Variants in PTPN6 observed in about 807,000 individuals in gnomAD.
PTPN6 encodes the protein protein tyrosine phosphatase non-receptor type 6.
In PTPN6, 18 loss-of-function variants were observed where a neutral mutation model predicts 81.5. The ratio of observed to expected loss-of-function variants is 0.22; its 90% CI spans 0.15 to 0.33. The LOEUF is 0.33. PTPN6 is among the 10% of genes least tolerant of loss of function. The pLI is 1.00. For synonymous variants in PTPN6, 301 were observed against 310.9 expected, an observed-to-expected ratio of 0.97 and a Z score of 0.33; for missense variants, 500 against 794.2, an observed-to-expected ratio of 0.63 and a Z score of 4.45.
chr12:6,956,777 C>G lies in PTPN6; in HGVS notation c.1074+209C>G, dbSNP rs1173174338. Among the ~76,000 whole-genome samples, 2 of 152,210 alleles carry G rather than the reference C, an allele frequency of 1.3e-5. No individual in the cohort carries two copies. The highest frequency in any genetic ancestry group is 2.4e-5 in the African/African-American group (1 of 41,512). On this transcript the variant is annotated intron_variant, in intron 9 of 15. Coordinates refer to ENST00000318974, the MANE Select transcript of PTPN6 (RefSeq NM_002831.6). This position sits in a 1 kb window ranked among gnomAD's most constrained non-coding sequence, Gnocchi z 4.1. ...CCCTGGGCTCTTCTGAGCTCCAGAC[C>G]CAGGTTCCAGGCTGTCCTCCTTCCT...
In PTPN6 at chr12:6,951,784, C is replaced by G. The variant is rs1945930391; in HGVS notation, c.131+53C>G. 4 of 1,604,282 alleles carry G rather than the reference C, an allele frequency of 2.5e-6. No individual in the cohort carries two copies. The highest frequency in any genetic ancestry group is 3.4e-6 in the Non-Finnish European group (4 of 1,179,810). The stretch of plus-strand genomic sequence containing the variant: ...ATTTTGGCCACTCTCTTGTGCCATC[C>G]AGGCCCTGAACCACTCATTCCTGGT... On this transcript the variant is annotated intron_variant, in intron 2 of 15. Coordinates refer to ENST00000318974, the MANE Select transcript of PTPN6 (RefSeq NM_002831.6). The surrounding 1 kb of genome is among the most constrained non-coding windows in gnomAD (Gnocchi z 7.2).
At position 6,960,259 on chromosome 12, in the gene PTPN6, T is replaced by TGGGCGGG. The variant is rs782034662; in HGVS notation, c.1581+23_1581+24insCGGGGGG. 7.0e-6 allele frequency: 8 copies of TGGGCGGG among 1,147,826 alleles called. No homozygotes were observed. In the African/African-American group the frequency reaches 1.5e-4, roughly 22 times the overall value. The allele number at this position is 1,147,826 out of a possible 1,614,324, so 71.1% of individuals were successfully genotyped here. A position where few individuals can be genotyped will look rare whatever the true frequency, so the allele number is the denominator to read the frequency against. On this transcript the variant is annotated intron_variant, in intron 13 of 15. Coordinates refer to ENST00000318974, the MANE Select transcript of PTPN6 (RefSeq NM_002831.6). The surrounding 1 kb of genome is among the most constrained non-coding windows in gnomAD (Gnocchi z 6.1). The stretch of plus-strand genomic sequence containing the variant: ...CTGCAGGTGCGTGCAGAGCAGGGCC[T>TGGGCGGG]GGGGGGGGGGGGGGCTGCAGTGCAG...
At position 6,958,032 on chromosome 12, in the gene PTPN6, G is replaced by A. The variant is rs1946063005; in HGVS notation, c.1320G>A (p.Gln440=). 1 of 1,613,188 alleles carries A rather than the reference G, an allele frequency of 6.2e-7. No homozygotes were observed. Among genetic ancestry groups the A allele is most frequent in the African/African-American group, 1.3e-5 (1 of 74,956 alleles). Residue 440 remains glutamine (Q), a synonymous_variant, in exon 11 of 16, where the codon CAG becomes CAA. Coordinates refer to ENST00000318974, the MANE Select transcript of PTPN6 (RefSeq NM_002831.6). ...LSFLDQINQR[Q]ESLPHAGPII... is the part of the protein sequence containing the mutation. ...TCCTGGACCAGATCAACCAGCGGCA[G>A]GAAAGTCTGCCTCACGCAGGGCCCA...
At position 6,957,841 on chromosome 12, in the gene PTPN6, C is replaced by G; in HGVS notation, c.1206+56C>G. On this transcript the variant is annotated intron_variant, in intron 10 of 15. Coordinates refer to ENST00000318974, the MANE Select transcript of PTPN6 (RefSeq NM_002831.6). The surrounding 1 kb of genome is among the most constrained non-coding windows in gnomAD (Gnocchi z 6.5). ...GGGAGTCCCTCCCTGGACTTGTTCTCCTCTCTGGTCGGGTAGGGTGAGATG... is the reference window on the plus strand; with the variant it reads ...GGGAGTCCCTCCCTGGACTTGTTCTGCTCTCTGGTCGGGTAGGGTGAGATG... The G allele has an allele frequency of 6.2e-7, 1 of 1,614,036 alleles. No individual in the cohort carries two copies. Among genetic ancestry groups the G allele is most frequent in the Non-Finnish European group, 8.5e-7 (1 of 1,179,986 alleles).
chr12:6,947,269 C>T (rs1565577545), upstream of PTPN6, among the ~76,000 whole-genome samples: 1 of 152,244 alleles, frequency 6.6e-6, no homozygotes, highest in African/African-American at 2.4e-5. Context: ...ACAAGACAGA[C>T]ATGGTCTCTG....
chr12:6,960,656 C>T lies in PTPN6; in HGVS notation c.1674-150C>T. ...CTCGTGTATGAGATGTAGCCTCTGT[C>T]CTCTAGGAGCTTGGAGTCTAGTGCA... On this transcript the variant is annotated intron_variant, in intron 14 of 15. Coordinates refer to ENST00000318974, the MANE Select transcript of PTPN6 (RefSeq NM_002831.6). The surrounding 1 kb of genome is among the most constrained non-coding windows in gnomAD (Gnocchi z 6.1). 2 of 1,549,396 alleles carry T rather than the reference C, an allele frequency of 1.3e-6. No homozygotes were observed. The highest frequency in any genetic ancestry group is 8.7e-7 in the Non-Finnish European group (1 of 1,145,184).
In PTPN6 at chr12:6,952,284, C is replaced by T. The variant is rs2138261089; in HGVS notation, c.326+107C>T. The T allele has an allele frequency of 3.0e-6, 4 of 1,318,550 alleles. No homozygotes were observed. The highest frequency in any genetic ancestry group is 1.2e-5 in the South Asian group (1 of 83,600). 81.7% of individuals were successfully genotyped at this position (1,318,550 alleles called of 1,614,324 possible). On this transcript the variant is annotated intron_variant, in intron 3 of 15. Coordinates refer to ENST00000318974, the MANE Select transcript of PTPN6 (RefSeq NM_002831.6). The surrounding 1 kb of genome is among the most constrained non-coding windows in gnomAD (Gnocchi z 8.1). ...GCAGCCGGCGCTGCCTACCCTCCATCCCCTCCCCTCCCTGCACCAGCTGGG... is the reference window on the plus strand; with the variant it reads ...GCAGCCGGCGCTGCCTACCCTCCATTCCCTCCCCTCCCTGCACCAGCTGGG...
rs782028208 is a variant in PTPN6, at chr12:6,960,885, AAGG to A, written c.1756_1758del (p.Glu586del). On this transcript the variant is annotated inframe_deletion, in exon 15 of 16. Coordinates refer to ENST00000318974, the MANE Select transcript of PTPN6 (RefSeq NM_002831.6). This position sits in a 1 kb window ranked among gnomAD's most constrained non-coding sequence, Gnocchi z 6.1. The stretch of plus-strand genomic sequence containing the variant: ...AGTGAAGAAGCAGCGGTCAGCAGAC[AAGG>A]AGAAGAGCAAGGGTTCCCTCAAGAG... The A allele has an allele frequency of 5.7e-6, 9 of 1,578,480 alleles. No individual in the cohort carries two copies. The South Asian group carries it at 6.9e-5, about 12-fold the overall frequency.
Position 6,954,217 on chromosome 12 carries a change from G to A in PTPN6, c.327-588G>A, listed in dbSNP as rs1046503829. Among the ~76,000 whole-genome samples, 5 of 152,174 alleles carry A rather than the reference G, an allele frequency of 3.3e-5. No individual in the cohort carries two copies. The highest frequency in any genetic ancestry group is 9.7e-5 in the African/African-American group (4 of 41,446). On this transcript the variant is annotated intron_variant, in intron 3 of 15. Coordinates refer to ENST00000318974, the MANE Select transcript of PTPN6 (RefSeq NM_002831.6). The surrounding 1 kb of genome is among the most constrained non-coding windows in gnomAD (Gnocchi z 5.4). ...GGGTTGTCTTCCCCGCCTCCCTGGCGGAGCGCACCCCATCCGCCTTCCTTG... is the reference window on the plus strand; with the variant it reads ...GGGTTGTCTTCCCCGCCTCCCTGGCAGAGCGCACCCCATCCGCCTTCCTTG...
chr12:6,960,820 T>A lies in PTPN6; in HGVS notation c.1688T>A (p.Val563Glu). 6.4e-7 allele frequency: 1 copy of A among 1,567,610 alleles called. No homozygotes were observed. The highest frequency in any genetic ancestry group is 8.7e-7 in the Non-Finnish European group (1 of 1,155,618). The part of the protein sequence containing the change: ...SRTSSKHKED[V>E]YENLHTKNKR... ...CCCGGCTGCAGACACAAGGAGGATG[T>A]GTATGAGAACCTGCACACTAAGAAC... The change falls in exon 15 of 16, where the codon GTG (valine) becomes GAG (glutamate). Residue 563 changes from valine (V) to glutamate (E), a missense_variant. Val to Glu is a moderately radical substitution (Grantham distance 121). Transcript: ENST00000318974. This position sits in a 1 kb window ranked among gnomAD's most constrained non-coding sequence, Gnocchi z 6.1.
Position 6,955,891 on chromosome 12 carries a change from CA to C in PTPN6, c.844+139del. On this transcript the variant is annotated intron_variant, in intron 7 of 15. Coordinates refer to ENST00000318974, the MANE Select transcript of PTPN6 (RefSeq NM_002831.6). The surrounding 1 kb of genome is among the most constrained non-coding windows in gnomAD (Gnocchi z 7.2). ...CCCCCCACAGAGCCTCCCCCTTCTC[CA>C]AAAGGCCTCTACTCCTCCCAGAAGT... is the stretch of plus-strand genomic sequence containing the variant. 1 of 914,492 alleles carries C rather than the reference CA, an allele frequency of 1.1e-6. No individual in the cohort carries two copies. Among genetic ancestry groups the C allele is most frequent in the South Asian group, 1.4e-5 (1 of 71,038 alleles). The allele number at this position is 914,492 out of a possible 1,614,324, so 56.6% of individuals were successfully genotyped here. A position where few individuals can be genotyped will look rare whatever the true frequency, so the allele number is the denominator to read the frequency against.
chr12:6,946,662 GTGCC>G, upstream of PTPN6: 1 of 1,422,166 alleles, frequency 7.0e-7, no homozygotes, highest in African/African-American at 1.4e-5. Context: ...GTGCACAGCT[GTGCC>G]GCTGGCTCAG....
chr12:6,947,261 A>G (rs782412003), upstream of PTPN6, among the ~76,000 whole-genome samples: 1 of 152,340 alleles, frequency 6.6e-6, no homozygotes, highest in South Asian at 2.1e-4. Flanking sequence ...TGGAGTGAAC[A>G]AGACAGACAT....
rs1440224262 is a variant in PTPN6, at chr12:6,955,603, TC to T, written c.748-52del. The stretch of plus-strand genomic sequence containing the variant: ...TGCTCCTGACCCACCCCACGTGAGC[TC>T]CCCCGATGGATGCCCTCTTTGGGAG... On this transcript the variant is annotated intron_variant, in intron 6 of 15. Transcript: ENST00000318974. The surrounding 1 kb of genome is among the most constrained non-coding windows in gnomAD (Gnocchi z 7.2). The T allele has an allele frequency of 1.3e-5, 20 of 1,584,446 alleles. No individual in the cohort carries two copies. In the African/African-American group the frequency reaches 2.4e-4, roughly 19 times the overall value.
upstream of PTPN6, chr12:6,951,224 G>T (rs148834158): frequency 2.1e-6 from 3 of 1,418,646 alleles, no homozygotes; most frequent in Non-Finnish European, 2.8e-6. This position sits in a 1 kb window ranked among gnomAD's most constrained non-coding sequence, Gnocchi z 7.2. Flanking sequence ...AGTGGGCCCC[G>T]TCCCCACCCC....
rs370871743 is a variant in PTPN6 at position 6,960,264 on chromosome 12, G to A, written c.1581+25G>A. 4.9e-5 allele frequency: 76 copies of A among 1,542,936 alleles called. No individual in the cohort carries two copies. Among genetic ancestry groups the A allele is most frequent in the African/African-American group, 2.4e-4 (17 of 70,026 alleles). ...GGTGCGTGCAGAGCAGGGCCTGGGG[G>A]GGGGGGGGGCTGCAGTGCAGGATGG... On this transcript the variant is annotated intron_variant, in intron 13 of 15. Coordinates refer to ENST00000318974, the MANE Select transcript of PTPN6 (RefSeq NM_002831.6). The surrounding 1 kb of genome is among the most constrained non-coding windows in gnomAD (Gnocchi z 6.1).
intron 11 of PTPN6, among the ~76,000 whole-genome samples, chr12:6,958,883 G>T (rs1175169924): frequency 6.6e-6 from 1 of 152,182 alleles, no homozygotes; most frequent in South Asian, 2.1e-4. Flanking sequence ...CAGGGTTGTC[G>T]TGAGAACTCA....
At position 6,951,357 on chromosome 12, in the gene PTPN6, G is replaced by A. The variant is rs1268854792; in HGVS notation, c.-156G>A. 6 of 1,538,074 alleles carry A rather than the reference G, an allele frequency of 3.9e-6. No individual in the cohort carries two copies. The highest frequency in any genetic ancestry group is 2.2e-4 in the Middle Eastern group (1 of 4,544). On this transcript the variant is annotated 5_prime_UTR_variant, in exon 1 of 16. In the 5' UTR this introduces an upstream ATG that the reference lacks. Transcript: ENST00000318974. The surrounding 1 kb of genome is among the most constrained non-coding windows in gnomAD (Gnocchi z 7.2). Reference sequence around the variant, plus strand: ...CCGCCCTGCCGGCTGCCCCAGGCCAGTGGAGTGGCAGCCCCAGAACTGGGA... The same window carrying A: ...CCGCCCTGCCGGCTGCCCCAGGCCAATGGAGTGGCAGCCCCAGAACTGGGA...
upstream of PTPN6, among the ~76,000 whole-genome samples, chr12:6,948,222 AC>A (rs1393281841): frequency 2.0e-5 from 3 of 151,868 alleles, no homozygotes; most frequent in Non-Finnish European, 4.4e-5. Flanking sequence ...GTTCAAGACC[AC>A]CCTGGGCAAC....
Sources: allele counts gnomAD v4.1 joint callset (sites outside exome capture counted in the v4.1 genomes callset), GRCh38; gene constraint gnomAD v4.1.1; non-coding constraint Gnocchi (gnomAD v3.1); transcripts MANE v1.5; gene names NCBI Gene and HGNC (gene_info 2026-07-23, HGNC 2026-07-21).